Variants in CCM2L observed in about 807,000 individuals in gnomAD.
CCM2L encodes cerebral cavernous malformations 2 protein-like.
CCM2L carries 36 observed loss-of-function variants against 54.1 expected under a neutral mutation model. That is an observed-to-expected ratio of 0.67 (90% confidence interval 0.51 to 0.88). CCM2L has a LOEUF of 0.88. CCM2L is among the 40% of genes least tolerant of loss of function. CCM2L has a pLI of 0.00. For missense variants in CCM2L, 700 were observed against 812.1 expected (o/e 0.86, Z 1.68); for synonymous variants, 351 against 359.3 (o/e 0.98, Z 0.26).
intron 5 of CCM2L, among the ~76,000 whole-genome samples, chr20:32,020,921 G>A (rs914999008): frequency 2.6e-5 from 4 of 151,970 alleles, no homozygotes; most frequent in African/African-American, 9.7e-5. Context: ...GAGGTAGACC[G>A]CACCACTGCA....
chr20:32,010,623 C>A, intron 1 of CCM2L, 139 bp downstream of exon 1: 1 of 804,910 alleles, frequency 1.2e-6, no homozygotes, highest in Non-Finnish European at 2.0e-6. Context: ...AACTTCCTTC[C>A]CACTCTTGGA....
chr20:32,028,820 AGCAAAG>A (rs909952681), intron 7 of CCM2L, 169 bp from the exon 8 acceptor site: 53 of 758,518 alleles, frequency 7.0e-5, no homozygotes, highest in Middle Eastern at 3.9e-4. Context: ...AAGCACAAAG[AGCAAAG>A]GCAAAGGCAA....
At position 32,029,121 on chromosome 20, in the gene CCM2L, C is replaced by A; in HGVS notation, c.1260C>A (p.Val420=). Residue 420 remains valine (V), a synonymous_variant, in exon 8 of 10, where the codon GTC becomes GTA. Transcript: ENST00000452892. The part of the protein sequence containing the change: ...LGLEQLQDYM[V]TLRSKLGPLE... ...TGGAGCAGTTACAGGATTACATGGT[C>A]ACGGTGAGCTGGGGCCGGTGGTGGG... The A allele has an allele frequency of 6.2e-7, 1 of 1,614,180 alleles. No homozygotes were observed. Among genetic ancestry groups the A allele is most frequent in the South Asian group, 1.1e-5 (1 of 91,060 alleles).
In CCM2L at chr20:32,019,087, G is replaced by A. The variant is rs1488225563; in HGVS notation, c.611G>A (p.Arg204Gln). 2.0e-5 allele frequency: 24 copies of A among 1,201,034 alleles called. No individual in the cohort carries two copies. The East Asian group carries it at 8.2e-4, about 41-fold the overall frequency. 74.4% of individuals were successfully genotyped at this position (1,201,034 alleles called of 1,614,324 possible). ...CACACCATCTGCAGCCTGGACTGGC[G>A]GATGGGGTGGGGTGGGGGCGCCGCG... ...RRHTICSLDW[R>Q]MGWGGGAAEA... Residue 204 changes from arginine (R) to glutamine (Q), a missense_variant, in exon 5 of 10, where the codon CGG (arginine) becomes CAG (glutamine). Coordinates refer to ENST00000452892, the MANE Select transcript of CCM2L (RefSeq NM_001365692.1).
chr20:32,011,551 G>A (rs577838101), intron 1 of CCM2L, among the ~76,000 whole-genome samples: 4 of 152,038 alleles, frequency 2.6e-5, no homozygotes, highest in Non-Finnish European at 4.4e-5. Context: ...CCAAGATCGC[G>A]CCACTGCACT....
In CCM2L at chr20:32,025,422, C is replaced by G. The variant is rs867868030; in HGVS notation, c.1070-434C>G. Among the ~76,000 whole-genome samples, 5 of 152,198 alleles carry G rather than the reference C, an allele frequency of 3.3e-5. No individual in the cohort carries two copies. The South Asian group carries it at 1.0e-3, about 32-fold the overall frequency. ...TAGCCGGGACCACAGGCATGCACCA[C>G]CGCACCCAGCTAATTTTTTTGTTAT... On this transcript the variant is annotated intron_variant, in intron 6 of 9. Transcript: ENST00000452892.
At chr20:32,025,955 C>T (rs952429187) in intron 7 of CCM2L, 36 bp downstream of exon 7, 46 of 1,291,980 alleles carry the variant, frequency 3.6e-5, no homozygotes, top group Middle Eastern at 2.1e-4. Context: ...CCACCCTGCT[C>T]CCCTACCCCT....
chr20:32,019,699 C>T (rs541342053), intron 5 of CCM2L, among the ~76,000 whole-genome samples: 28 of 152,292 alleles, frequency 1.8e-4, no homozygotes, highest in African/African-American at 6.0e-4. Flanking sequence ...GTAACATTCA[C>T]GAGGACACTA....
intron 4 of CCM2L, among the ~76,000 whole-genome samples, chr20:32,018,672 C>T (rs1033177701): frequency 8.5e-5 from 13 of 152,088 alleles, no homozygotes; most frequent in Non-Finnish European, 1.6e-4. Context: ...GTTCAGAGGG[C>T]AGGTCTGAGG....
In CCM2L at chr20:32,029,077, G is replaced by A. The variant is rs148597655; in HGVS notation, c.1216G>A (p.Asp406Asn). 9.3e-6 allele frequency: 15 copies of A among 1,614,052 alleles called. 1 individual carries two copies. Among genetic ancestry groups the A allele is most frequent in the South Asian group, 3.3e-5 (3 of 91,048 alleles). Reference sequence around the variant, plus strand: ...CCATGGCTCCCACTGCAGCGGCAGCGACCACAGCAGTCTGGGCTTGGAGCA... The same window carrying A: ...CCATGGCTCCCACTGCAGCGGCAGCAACCACAGCAGTCTGGGCTTGGAGCA... ...SFHGSHCSGS[D>N]HSSLGLEQLQ... The change falls in exon 8 of 10, where the codon GAC becomes AAC. Residue 406 changes from aspartate (D) to asparagine (N), a missense_variant. Asp to Asn is a conservative substitution (Grantham distance 23, BLOSUM62 1). Transcript: ENST00000452892.
At chr20:32,018,428 G>A (rs1337629854) in intron 4 of CCM2L, among the ~76,000 whole-genome samples, 1 of 152,154 alleles carries the variant, frequency 6.6e-6, no homozygotes, top group Non-Finnish European at 1.5e-5. Flanking sequence ...CTGAGGCCAG[G>A]TGGTGGAGCA....
In CCM2L at chr20:32,017,980, A is replaced by T. The variant is rs1254602539; in HGVS notation, c.284A>T (p.Gln95Leu). 6.2e-7 allele frequency: 1 copy of T among 1,613,566 alleles called. No individual in the cohort carries two copies. The highest frequency in any genetic ancestry group is 2.2e-5 in the East Asian group (1 of 44,858). The change falls in exon 4 of 10, where the codon CAG becomes CTG. Residue 95 changes from glutamine to leucine, a missense_variant and splice_region_variant. Transcript: ENST00000452892. ...ELLQLLDTARQLKELPLKTTA... is the reference protein window; with the variant it reads ...ELLQLLDTARLLKELPLKTTA... ...CTCGAGATCTGCCCCTCCCTGCAGCAGCTGAAGGAGCTGCCGCTGAAGACC... is the reference window on the plus strand; with the variant it reads ...CTCGAGATCTGCCCCTCCCTGCAGCTGCTGAAGGAGCTGCCGCTGAAGACC...
intron 2 of CCM2L, among the ~76,000 whole-genome samples, chr20:32,015,722 A>T (rs1232793938): frequency 6.6e-6 from 1 of 152,180 alleles, no homozygotes; most frequent in African/African-American, 2.4e-5. Flanking sequence ...CAGGGCTTTT[A>T]ACACAAGTGA....
At chr20:32,025,423 C>T (rs151042440) in intron 6 of CCM2L, among the ~76,000 whole-genome samples, 24 of 152,104 alleles carry the variant, frequency 1.6e-4, no homozygotes, top group African/African-American at 5.5e-4. Context: ...CATGCACCAC[C>T]GCACCCAGCT....
At chr20:32,022,294 G>A (rs1419902092) in intron 5 of CCM2L, among the ~76,000 whole-genome samples, 1 of 152,144 alleles carries the variant, frequency 6.6e-6, no homozygotes, top group Non-Finnish European at 1.5e-5. Flanking sequence ...CCTACTAGGT[G>A]TTAGGAGAAC....
At position 32,031,032 on chromosome 20, in the gene CCM2L, C is replaced by T. The variant is rs1051589350; in HGVS notation, c.1434C>T (p.Ile478=). 9.2e-6 allele frequency: 12 copies of T among 1,304,126 alleles called. No individual in the cohort carries two copies. Among genetic ancestry groups the T allele is most frequent in the African/African-American group, 1.5e-5 (1 of 65,876 alleles). The allele number at this position is 1,304,126 out of a possible 1,614,324, so 80.8% of individuals were successfully genotyped here. A position where few individuals can be genotyped will look rare whatever the true frequency, so the allele number is the denominator to read the frequency against. ...GMRPFIPDQD[I]GYFEGFLEGV... ...GGCCCTTCATCCCGGACCAGGACAT[C>T]GGCTACTTCGAGGGCTTCCTGGAGG... The change falls in exon 10 of 10, where the codon ATC becomes ATT. Residue 478 remains isoleucine, a synonymous_variant. Transcript: ENST00000452892.
At position 32,029,816 on chromosome 20, in the gene CCM2L, C is replaced by T. The variant is rs757803647; in HGVS notation, c.1380C>T (p.Asp460=). Residue 460 remains aspartate, a synonymous_variant, in exon 9 of 10, where the codon GAC becomes GAT. Transcript: ENST00000452892. ...CAGGCCTGCTGAAGCTCTACGGAGA[C>T]CGGCGCAAGTTCCTCCTCCTTGGTG... is the stretch of plus-strand genomic sequence containing the variant. ...YCTGLLKLYG[D]RRKFLLLGMR... 2.5e-6 allele frequency: 4 copies of T among 1,606,500 alleles called. No homozygotes were observed. The highest frequency in any genetic ancestry group is 2.6e-6 in the Non-Finnish European group (3 of 1,175,544).
At position 32,014,946 on chromosome 20, in the gene CCM2L, G is replaced by C. The variant is rs146878690; in HGVS notation, c.73G>C (p.Gly25Arg). 6.2e-6 allele frequency: 10 copies of C among 1,601,206 alleles called. No homozygotes were observed. The highest frequency in any genetic ancestry group is 8.5e-6 in the Non-Finnish European group (10 of 1,173,880). The change falls in exon 2 of 10, where the codon GGG becomes CGG. Residue 25 changes from glycine (G) to arginine (R), a missense_variant. Transcript: ENST00000452892. ...CCGAAGGCTGGTGTTCCCCAAGGCC[G>C]GGCGCCGGGCAGCCTGTAGGAGCAG... Reference protein sequence around the residue: ...PIRRLVFPKAGRRAACRSSVS... With the variant: ...PIRRLVFPKARRRAACRSSVS...
Position 32,013,436 on chromosome 20 carries a change from G to T in CCM2L, c.31-1468G>T, listed in dbSNP as rs1298755953. Reference sequence around the variant, plus strand: ...GTTCGTGTGTGTGTGGAGTGGGGGGGTGGGGGTTGTTTGTTTTGTTCCTTC... The same window carrying T: ...GTTCGTGTGTGTGTGGAGTGGGGGGTTGGGGGTTGTTTGTTTTGTTCCTTC... On this transcript the variant is annotated intron_variant, in intron 1 of 9. Transcript: ENST00000452892. 3.9e-5 allele frequency among the ~76,000 whole-genome samples: 6 copies of T among 152,146 alleles called. No individual in the cohort carries two copies. In the East Asian group the frequency reaches 9.6e-4, roughly 24 times the overall value.
Sources: gnomAD v4.1 joint callset for allele counts (sites outside exome capture counted in the v4.1 genomes callset) on GRCh38, gnomAD v4.1.1 for gene constraint, MANE v1.5 for transcripts, NCBI Gene and HGNC (gene_info 2026-07-23, HGNC 2026-07-21) for gene names.